Variants in TEPSIN observed in about 807,000 individuals in gnomAD.
The protein encoded by TEPSIN is TEPSIN adaptor related protein complex 4 accessory protein.
Under a neutral mutation model 48.5 loss-of-function variants are expected in TEPSIN, and 50 were observed. The ratio of observed to expected loss-of-function variants is 1.03; its 90% CI spans 0.82 to 1.31. The LOEUF (loss-of-function observed/expected upper bound fraction) is 1.31, where lower values mean the gene tolerates loss of function less well. Among genes scored for constraint, TEPSIN ranks in the 50% most tolerant of loss-of-function variants. The pLI is 0.00. For missense variants in TEPSIN, 838 were observed against 815.9 expected, an observed-to-expected ratio of 1.03 and a Z score of -0.33; for synonymous variants, 392 against 358.8, an observed-to-expected ratio of 1.09 and a Z score of -1.05.
rs2062651483 is a variant in TEPSIN at position 81,233,099 on chromosome 17, CG to C, written c.526+332del. 1 of 430,996 alleles carries C rather than the reference CG, an allele frequency of 2.3e-6. No homozygotes were observed. Among genetic ancestry groups the C allele is most frequent in the South Asian group, 3.0e-5 (1 of 32,858 alleles). The allele number at this position is 430,996 out of a possible 1,614,324, so 26.7% of individuals were successfully genotyped here. On this transcript the variant is annotated intron_variant, in intron 7 of 12. Transcript: ENST00000637944. The surrounding 1 kb of genome is among the most constrained non-coding windows in gnomAD (Gnocchi z 5.8). ...TGCCCCACCTCATAACAGCTCCACA[CG>C]GGACTGCCTGAGTCACCTGCACCAC...
intron 4 of TEPSIN, among the ~76,000 whole-genome samples, chr17:81,235,175 C>A (rs950196855): frequency 6.6e-6 from 1 of 152,220 alleles, no homozygotes. Flanking sequence ...CTGATAAGCC[C>A]TCTCATCCTA....
chr17:81,233,673 GC>G lies in TEPSIN; in HGVS notation c.418del (p.Ala140LeufsTer81). 6.2e-7 allele frequency: 1 copy of G among 1,600,424 alleles called. No individual in the cohort carries two copies. The highest frequency in any genetic ancestry group is 8.5e-7 in the Non-Finnish European group (1 of 1,175,846). On this transcript the variant is annotated frameshift_variant, in exon 6 of 13. Transcript: ENST00000637944. LOFTEE classifies it high-confidence loss of function. The surrounding 1 kb of genome is among the most constrained non-coding windows in gnomAD (Gnocchi z 5.8). ...TLFSDTVLPL[A>X]PSQPLGTPPA... is the part of the protein sequence containing the mutation. Reference sequence around the variant, plus strand: ...CGGGGTCCCCAGAGGCTGGGAGGGAGCCAGCGGCAACACGGTGTCCGAGAAC... The same window carrying G: ...CGGGGTCCCCAGAGGCTGGGAGGGAGCAGCGGCAACACGGTGTCCGAGAAC...
At position 81,233,677 on chromosome 17, in the gene TEPSIN, G is replaced by T; in HGVS notation, c.415C>A (p.Leu139Met). Residue 139 changes from leucine to methionine, a missense_variant, in exon 6 of 13, where the codon CTG becomes ATG. Transcript: ENST00000637944. This position sits in a 1 kb window ranked among gnomAD's most constrained non-coding sequence, Gnocchi z 5.8. Reference protein sequence around the residue: ...STLFSDTVLPLAPSQPLGTPP... With the variant: ...STLFSDTVLPMAPSQPLGTPP... ...GTCCCCAGAGGCTGGGAGGGAGCCA[G>T]CGGCAACACGGTGTCCGAGAACAGG... The T allele has an allele frequency of 6.2e-7, 1 of 1,600,492 alleles. No individual in the cohort carries two copies.
intron 1 of TEPSIN, 47 bp downstream of exon 1, chr17:81,238,939 C>T (rs936652733): frequency 6.4e-6 from 9 of 1,409,336 alleles, no homozygotes; most frequent in African/African-American, 1.5e-5. Flanking sequence ...ATGCGGCGCT[C>T]GAGAGGAGCC....
rs534122791 is a variant in TEPSIN at position 81,230,073 on chromosome 17, C to T, written c.1233+471G>A. The T allele has an allele frequency of 9.6e-5, 16 of 166,764 alleles. No homozygotes were observed. Among genetic ancestry groups the T allele is most frequent in the African/African-American group, 2.2e-4 (9 of 41,716 alleles). The allele number at this position is 166,764 out of a possible 1,614,324, so 10.3% of individuals were successfully genotyped here. On this transcript the variant is annotated intron_variant, in intron 12 of 12. Transcript: ENST00000637944. This position sits in a 1 kb window ranked among gnomAD's most constrained non-coding sequence, Gnocchi z 4.2. ...AGGGAAGGTGCCAGGGCCTGGCGGC[C>T]GGGAGAGGCCTCCCCGTGTGATTCC... is the stretch of plus-strand genomic sequence containing the variant.
chr17:81,231,792 G>A (rs981393479), intron 9 of TEPSIN, 55 bp downstream of exon 9: 4 of 1,606,804 alleles, frequency 2.5e-6, no homozygotes, highest in Non-Finnish European at 3.4e-6. Context: ...CGCTGGGAGG[G>A]GGACAGTGTG....
chr17:81,234,753 T>C lies in TEPSIN; in HGVS notation c.308-705A>G, dbSNP rs2062691926. On this transcript the variant is annotated intron_variant, in intron 4 of 12. Transcript: ENST00000637944. The surrounding 1 kb of genome is among the most constrained non-coding windows in gnomAD (Gnocchi z 5.4). ...GGCTGGCGGCCACAAGCTGAGTCAATGGCTGGATGAACTGACACCCTGAGG... is the reference window on the plus strand; with the variant it reads ...GGCTGGCGGCCACAAGCTGAGTCAACGGCTGGATGAACTGACACCCTGAGG... Among the ~76,000 whole-genome samples the C allele has an allele frequency of 1.3e-5, 2 of 151,996 alleles. No homozygotes were observed. The highest frequency in any genetic ancestry group is 1.5e-5 in the Non-Finnish European group (1 of 67,986).
chr17:81,232,384 T>TCA lies in TEPSIN; in HGVS notation c.659_660dup (p.Met221Ter). The TCA allele has an allele frequency of 6.5e-7, 1 of 1,535,732 alleles. No individual in the cohort carries two copies. The highest frequency in any genetic ancestry group is 8.7e-7 in the Non-Finnish European group (1 of 1,146,622). ...GGGGGACCGTGGCTGGCTGAAGGCATCATGGCAGGCTGGTAGGTGTCACCC... is the reference window on the plus strand; with the variant it reads ...GGGGGACCGTGGCTGGCTGAAGGCATCACATGGCAGGCTGGTAGGTGTCACCC... On this transcript the variant is annotated frameshift_variant, in exon 8 of 13. Transcript: ENST00000637944. LOFTEE classifies it high-confidence loss of function.
chr17:81,236,773 C>T lies in TEPSIN; in HGVS notation c.242G>A (p.Ser81Asn), dbSNP rs1347847156. Reference sequence around the variant, plus strand: ...GAGCAGGAAGAAGGAGGAGCCGTGGCTGCACAGATAGAGCAGGATCTTCAG... The same window carrying T: ...GAGCAGGAAGAAGGAGGAGCCGTGGTTGCACAGATAGAGCAGGATCTTCAG... The part of the protein sequence containing the change: ...KVLKILLYLC[S>N]HGSSFFLLIL... Residue 81 changes from serine to asparagine, a missense_variant, in exon 4 of 13, where the codon AGC (serine) becomes AAC (asparagine). Coordinates refer to ENST00000637944, the MANE Select transcript of TEPSIN (RefSeq NM_001363764.2). 3 of 1,571,692 alleles carry T rather than the reference C, an allele frequency of 1.9e-6. No homozygotes were observed. Among genetic ancestry groups the T allele is most frequent in the East Asian group, 4.7e-5 (2 of 42,308 alleles).
In TEPSIN at chr17:81,232,465, C is replaced by T; in HGVS notation, c.580G>A (p.Ala194Thr). 2.0e-6 allele frequency: 3 copies of T among 1,535,512 alleles called. No individual in the cohort carries two copies. Among genetic ancestry groups the T allele is most frequent in the Non-Finnish European group, 2.6e-6 (3 of 1,146,650 alleles). Residue 194 changes from alanine (A) to threonine (T), a missense_variant, in exon 8 of 13, where the codon GCC (alanine) becomes ACC (threonine). Transcript: ENST00000637944. ...TCGGGCCCGGGGCGCATGGCGCTGG[C>T]CACCACCTCTGCGGCCTTCTGGATG... ...STIQKAAEVV[A>T]SAMRPGPESP...
In TEPSIN at chr17:81,234,354, C is replaced by A; in HGVS notation, c.308-306G>T. 3.5e-6 allele frequency: 1 copy of A among 289,246 alleles called. No homozygotes were observed. The highest frequency in any genetic ancestry group is 6.4e-6 in the Non-Finnish European group (1 of 156,442). 17.9% of individuals were successfully genotyped at this position (289,246 alleles called of 1,614,324 possible). On this transcript the variant is annotated intron_variant, in intron 4 of 12. Coordinates refer to ENST00000637944, the MANE Select transcript of TEPSIN (RefSeq NM_001363764.2). This position sits in a 1 kb window ranked among gnomAD's most constrained non-coding sequence, Gnocchi z 5.4. ...CCTCCCCGAAGCCCACTCTCCCTGC[C>A]CCAGGTGCACCAGGGACCCCTCAGA...
chr17:81,228,977 T>C lies in TEPSIN; in HGVS notation c.1733A>G (p.Lys578Arg), dbSNP rs767724759. The C allele has an allele frequency of 1.9e-6, 3 of 1,613,740 alleles. No homozygotes were observed. Among genetic ancestry groups the C allele is most frequent in the Non-Finnish European group, 2.5e-6 (3 of 1,179,976 alleles). The change falls in exon 13 of 13, where the codon AAA becomes AGA. Residue 578 changes from lysine to arginine, a missense_variant. Transcript: ENST00000637944. The stretch of plus-strand genomic sequence containing the variant: ...TGACGGCTCTGAGCCAGGAGGCTCT[T>C]TGGCTGCTGTCCTCTGGGACGATGT... ...PQTSSQRTAA[K>R]EPPGSEPSAF...
At position 81,231,695 on chromosome 17, in the gene TEPSIN, C is replaced by T; in HGVS notation, c.906-4G>A. The T allele has an allele frequency of 1.2e-6, 2 of 1,610,984 alleles. No individual in the cohort carries two copies. The highest frequency in any genetic ancestry group is 1.7e-6 in the Non-Finnish European group (2 of 1,178,754). On this transcript the variant is annotated splice_polypyrimidine_tract_variant and splice_region_variant and intron_variant, in intron 9 of 12. Coordinates refer to ENST00000637944, the MANE Select transcript of TEPSIN (RefSeq NM_001363764.2). ...ACTCAGGGCCACCACCTCGACCCTG[C>T]CAGGGGGAATGGCCGGGTCAAGGGT...
Position 81,228,630 on chromosome 17 carries a change from G to A in TEPSIN, c.*298C>T, listed in dbSNP as rs759111562. The A allele has an allele frequency of 3.8e-5, 18 of 471,360 alleles. No homozygotes were observed. The Admixed American group carries it at 3.8e-4, about 10-fold the overall frequency. 29.2% of individuals were successfully genotyped at this position (471,360 alleles called of 1,614,324 possible). ...AAATGAAATAAGGAACCTGGTAGTC[G>A]CTTCCGCATTCATACAAGAAACCTC... On this transcript the variant is annotated 3_prime_UTR_variant, in exon 13 of 13. Coordinates refer to ENST00000637944, the MANE Select transcript of TEPSIN (RefSeq NM_001363764.2).
intron 2 of TEPSIN, 28 bp from the exon 3 acceptor site, chr17:81,237,099 C>T (rs772227968): frequency 3.2e-6 from 5 of 1,559,736 alleles, no homozygotes; most frequent in Non-Finnish European, 3.5e-6. Context: ...TAGGGAAGGG[C>T]GAGATGATGA....
rs1408123575 is a variant in TEPSIN, at chr17:81,230,550, G to C, written c.1227C>G (p.Ala409=). ...GGCCTCCGCAGCTGCCCACCTTGGTGGCCTTGTTGGTCACAGGTCCCGGGC... is the reference window on the plus strand; with the variant it reads ...GGCCTCCGCAGCTGCCCACCTTGGTCGCCTTGTTGGTCACAGGTCCCGGGC... ...MGSPGPVTNK[A]TKILRHFEAS... Residue 409 remains alanine (A), a synonymous_variant, in exon 12 of 13, where the codon GCC becomes GCG. Coordinates refer to ENST00000637944, the MANE Select transcript of TEPSIN (RefSeq NM_001363764.2). The surrounding 1 kb of genome is among the most constrained non-coding windows in gnomAD (Gnocchi z 4.2). 6.2e-7 allele frequency: 1 copy of C among 1,611,710 alleles called. No homozygotes were observed. Among genetic ancestry groups the C allele is most frequent in the Non-Finnish European group, 8.5e-7 (1 of 1,179,302 alleles).
At position 81,231,216 on chromosome 17, in the gene TEPSIN, T is replaced by G. The variant is rs936032790; in HGVS notation, c.1098+182A>C. The stretch of plus-strand genomic sequence containing the variant: ...GCACGAGTGTGTACACACACAGGCA[T>G]ACATACACAGGCATACACACCCACA... On this transcript the variant is annotated intron_variant, in intron 11 of 12. Coordinates refer to ENST00000637944, the MANE Select transcript of TEPSIN (RefSeq NM_001363764.2). 5 of 635,732 alleles carry G rather than the reference T, an allele frequency of 7.9e-6. No homozygotes were observed. In the African/African-American group the frequency reaches 9.2e-5, roughly 12 times the overall value. 39.4% of individuals were successfully genotyped at this position (635,732 alleles called of 1,614,324 possible).
intron 11 of TEPSIN, chr17:81,231,118 T>C (rs2062592286): frequency 5.6e-6 from 3 of 534,602 alleles, no homozygotes; most frequent in East Asian, 6.4e-5. Context: ...ACCACACACA[T>C]GCAGTCATGT....
chr17:81,230,535 G>A lies in TEPSIN; in HGVS notation c.1233+9C>T, dbSNP rs2062571657. The A allele has an allele frequency of 1.2e-6, 2 of 1,610,950 alleles. No individual in the cohort carries two copies. Among genetic ancestry groups the A allele is most frequent in the Non-Finnish European group, 1.7e-6 (2 of 1,179,198 alleles). ...CCCCGGTGTGCGTGTGGCCTCCGCA[G>A]CTGCCCACCTTGGTGGCCTTGTTGG... On this transcript the variant is annotated intron_variant, in intron 12 of 12. Coordinates refer to ENST00000637944, the MANE Select transcript of TEPSIN (RefSeq NM_001363764.2). This position sits in a 1 kb window ranked among gnomAD's most constrained non-coding sequence, Gnocchi z 4.2.
Sources: gnomAD v4.1 joint callset for allele counts (sites outside exome capture counted in the v4.1 genomes callset) on GRCh38, gnomAD v4.1.1 for gene constraint, Gnocchi (gnomAD v3.1) non-coding constraint, MANE v1.5 for transcripts, NCBI Gene and HGNC (gene_info 2026-07-23, HGNC 2026-07-21) for gene names.